The following AFAP1L2 variants were observed in gnomAD, a reference collection of about 807,000 sequenced individuals.
The protein encoded by AFAP1L2 is actin filament-associated protein 1-like 2.
Under a neutral mutation model 99.3 loss-of-function variants are expected in AFAP1L2, and 46 were observed. The observed-to-expected ratio is 0.46, with a 90% CI of 0.37 to 0.59. The LOEUF is 0.59. Among genes scored for constraint, AFAP1L2 ranks in the 20% least tolerant of loss-of-function variants. The pLI, the probability that AFAP1L2 is intolerant of heterozygous loss-of-function variation, is 0.00. For missense variants in AFAP1L2, 959 were observed against 1,034.9 expected, an observed-to-expected ratio of 0.93 and a Z score of 1.01; for synonymous variants, 397 against 419.1, an observed-to-expected ratio of 0.95 and a Z score of 0.64.
At chr10:114,381,724 A>G (rs1273237177) in intron 1 of AFAP1L2, among the ~76,000 whole-genome samples, 2 of 152,172 alleles carry the variant, frequency 1.3e-5, no homozygotes, top group Non-Finnish European at 2.9e-5. Flanking sequence ...AATAAATATA[A>G]AACAAGTCAA....
At chr10:114,384,845 A>G (rs979326339) in intron 1 of AFAP1L2, among the ~76,000 whole-genome samples, 4 of 152,216 alleles carry the variant, frequency 2.6e-5, no homozygotes, top group Admixed American at 6.5e-5. Context: ...GGACTTCCAA[A>G]GGCTCCAGGC....
At chr10:114,331,678 C>T (rs1225736623) in intron 4 of AFAP1L2, 125 bp downstream of exon 4, 1 of 637,662 alleles carries the variant, frequency 1.6e-6, no homozygotes, top group Non-Finnish European at 2.4e-6. Context: ...GTGCCTTGTC[C>T]CAGTCCCTGA....
At chr10:114,285,819 G>A in the AFAP1L2 span, 11 of 1,127,418 alleles carry the variant, frequency 9.8e-6, no homozygotes, top group South Asian at 6.7e-5. Flanking sequence ...ACTTAAGCTT[G>A]GGGGGCCCAC....
chr10:114,392,793 C>T (rs1429738468), intron 1 of AFAP1L2, among the ~76,000 whole-genome samples: 1 of 152,162 alleles, frequency 6.6e-6, no homozygotes, highest in African/African-American at 2.4e-5. Context: ...GGCAGCCAAG[C>T]CTGAAAGCAT....
chr10:114,282,610 C>T, the AFAP1L2 span: 29 of 1,584,646 alleles, frequency 1.8e-5, no homozygotes, highest in East Asian at 6.5e-4. Context: ...TCTTTCAGGG[C>T]CCTGGGCCCA....
the AFAP1L2 span, chr10:114,282,660 G>C: frequency 8.3e-7 from 1 of 1,200,972 alleles, no homozygotes. Flanking sequence ...CTGGGACAGA[G>C]GGTGGGGTTG....
intron 1 of AFAP1L2, among the ~76,000 whole-genome samples, chr10:114,397,450 A>G (rs575303015): frequency 3.9e-5 from 6 of 152,146 alleles, no homozygotes; most frequent in Non-Finnish European, 7.3e-5. Context: ...TAAGCCTTGG[A>G]CTTTCACTTT....
intron 4 of AFAP1L2, among the ~76,000 whole-genome samples, chr10:114,330,116 C>G (rs1004032672): frequency 6.6e-6 from 1 of 152,162 alleles, no homozygotes; most frequent in African/African-American, 2.4e-5. Context: ...GCTCAAGGGA[C>G]GGCATGCAAT....
chr10:114,306,328 C>CGGGGGCAGGAGGGGAGGT (rs1303770937), intron 10 of AFAP1L2, among the ~76,000 whole-genome samples: 29 of 42,728 alleles, frequency 6.8e-4, no homozygotes, highest in African/African-American at 1.9e-3. Context: ...GGAGGGGACG[C>CGGGGGCAGGAGGGGAGGT]GGGGGCAGGA....
chr10:114,303,567 A>G (rs977925269), intron 11 of AFAP1L2, among the ~76,000 whole-genome samples: 2 of 152,188 alleles, frequency 1.3e-5, no homozygotes, highest in Non-Finnish European at 2.9e-5. Context: ...TCAGCCTCCC[A>G]AAGTGCTGGG....
intron 4 of AFAP1L2, among the ~76,000 whole-genome samples, chr10:114,323,728 A>G (rs1395380169): frequency 3.3e-5 from 5 of 152,146 alleles, no homozygotes; most frequent in Admixed American, 2.0e-4. Context: ...TAGTTCAATC[A>G]CTCATTCAGC....
At chr10:114,346,160 G>C (rs1344265752) in intron 1 of AFAP1L2, among the ~76,000 whole-genome samples, 4 of 152,166 alleles carry the variant, frequency 2.6e-5, no homozygotes, top group Non-Finnish European at 5.9e-5. Context: ...ATGAGAGAGA[G>C]TCAAAAGGGA....
intron 1 of AFAP1L2, among the ~76,000 whole-genome samples, chr10:114,400,961 C>G (rs534333281): frequency 6.6e-6 from 1 of 152,258 alleles, no homozygotes; most frequent in Non-Finnish European, 1.5e-5. Context: ...CAGATGATTC[C>G]TGAAGGTAGC....
In AFAP1L2 at chr10:114,340,748, G is replaced by A. The variant is rs2048699640; in HGVS notation, c.17-17C>T. On this transcript the variant is annotated splice_polypyrimidine_tract_variant and intron_variant, in intron 1 of 18. Transcript: ENST00000304129. ...GTTCCAGGGCTAGGGACAGGAAACA[G>A]AAGAAACTTATAGTGGCTGCCCGCT... 2 of 1,613,994 alleles carry A rather than the reference G, an allele frequency of 1.2e-6. No individual in the cohort carries two copies. Among genetic ancestry groups the A allele is most frequent in the Non-Finnish European group, 1.7e-6 (2 of 1,180,012 alleles).
intron 1 of AFAP1L2, among the ~76,000 whole-genome samples, chr10:114,345,226 G>A (rs1233233714): frequency 6.6e-6 from 1 of 152,002 alleles, no homozygotes; most frequent in East Asian, 1.9e-4. Context: ...ATCGAGGTGG[G>A]TGGGGGTGGG....
At chr10:114,320,213 G>A (rs1263366258) in intron 5 of AFAP1L2, among the ~76,000 whole-genome samples, 7 of 152,204 alleles carry the variant, frequency 4.6e-5, no homozygotes, top group Non-Finnish European at 8.8e-5. Flanking sequence ...GGCAGACCCC[G>A]ATATCCCTAG....
chr10:114,293,120 A>G (rs558700503), downstream of AFAP1L2, among the ~76,000 whole-genome samples: 1 of 152,344 alleles, frequency 6.6e-6, no homozygotes, highest in African/African-American at 2.4e-5. Flanking sequence ...AAGCAGTATC[A>G]CCAAGATTTT....
the AFAP1L2 span, among the ~76,000 whole-genome samples, chr10:114,282,124 A>G: frequency 1.3e-5 from 2 of 149,966 alleles, no homozygotes; most frequent in Non-Finnish European, 3.0e-5. Flanking sequence ...TTTCTGCCTC[A>G]GCCTGCTAAG....
chr10:114,373,057 C>T (rs1414923639), intron 1 of AFAP1L2, among the ~76,000 whole-genome samples: 1 of 152,126 alleles, frequency 6.6e-6, no homozygotes, highest in African/African-American at 2.4e-5. Context: ...TCCCGGGCAA[C>T]AGGGTGAGAA....
Sources: allele counts gnomAD v4.1 joint callset (sites outside exome capture counted in the v4.1 genomes callset), GRCh38; gene constraint gnomAD v4.1.1; transcripts MANE v1.5; gene names NCBI Gene and HGNC (gene_info 2026-07-23, HGNC 2026-07-21).